The following TMEM39B variants were observed in gnomAD, a reference collection of about 807,000 sequenced individuals.
TMEM39B encodes transmembrane protein 39B.
In TMEM39B, 23 loss-of-function variants were observed where a neutral mutation model predicts 52.2. The observed-to-expected ratio is 0.44, with a 90% CI of 0.32 to 0.62. The LOEUF is 0.62. Ranked by LOEUF, TMEM39B falls within the 20% of genes least tolerant of loss-of-function variation. The probability of loss-of-function intolerance (pLI) is 0.06; values close to 1 mark genes in which losing one functional copy is unlikely to be tolerated. For synonymous variants in TMEM39B, 285 were observed against 264.0 expected (o/e 1.08, Z -0.77); for missense variants, 547 against 642.0 (o/e 0.85, Z 1.60).
At chr1:32,073,310 G>C (rs1449128648) in intron 1 of TMEM39B, 4 of 489,900 alleles carry the variant, frequency 8.2e-6, no homozygotes, top group East Asian at 3.6e-5. Context: ...CCAGCTCGTC[G>C]GGGCTAGAAA....
intron 5 of TMEM39B, among the ~76,000 whole-genome samples, chr1:32,081,077 G>A (rs943598070): frequency 2.6e-5 from 4 of 151,426 alleles, no homozygotes; most frequent in African/African-American, 4.9e-5. Flanking sequence ...CTCCAATCCC[G>A]CCTCCAGATT....
In TMEM39B at chr1:32,081,615, G is replaced by T. The variant is rs544784525; in HGVS notation, c.590+4297G>T. ...ATACAAAAATTAGCCAGGTGTGGTG[G>T]TGCACGCCTGTAGTCCCAGCTACTT... is the stretch of plus-strand genomic sequence containing the variant. On this transcript the variant is annotated intron_variant, in intron 5 of 8. Transcript: ENST00000336294. 3.9e-5 allele frequency among the ~76,000 whole-genome samples: 6 copies of T among 152,038 alleles called. No individual in the cohort carries two copies. The South Asian group carries it at 1.3e-3, about 32-fold the overall frequency.
intron 7 of TMEM39B, among the ~76,000 whole-genome samples, chr1:32,095,190 G>A (rs961649213): frequency 2.0e-5 from 3 of 152,238 alleles, no homozygotes; most frequent in African/African-American, 7.2e-5. Context: ...GGAGGGGACT[G>A]ATGGTAATTC....
intron 8 of TMEM39B, among the ~76,000 whole-genome samples, chr1:32,101,763 G>A (rs1259317490): frequency 2.0e-5 from 3 of 152,150 alleles, no homozygotes; most frequent in Non-Finnish European, 4.4e-5. Context: ...CCTGTAAGCA[G>A]CTCTTGAGAT....
chr1:32,080,238 AATAATTGCAT>A (rs1032381054), intron 5 of TMEM39B, among the ~76,000 whole-genome samples: 4 of 152,188 alleles, frequency 2.6e-5, no homozygotes, highest in Non-Finnish European at 5.9e-5. Flanking sequence ...CATAACAATG[AATAATTGCAT>A]ATGTGTCCAG....
At chr1:32,101,787 C>A (rs1557445390) in intron 8 of TMEM39B, among the ~76,000 whole-genome samples, 2 of 152,148 alleles carry the variant, frequency 1.3e-5, no homozygotes, top group South Asian at 2.1e-4. Context: ...GGTACCTTGG[C>A]CCCTGTGGAA....
rs746220864 is a variant in TMEM39B at position 32,091,851 on chromosome 1, C to T, written c.767C>T (p.Pro256Leu). 4.3e-6 allele frequency: 7 copies of T among 1,614,084 alleles called. No homozygotes were observed. Among genetic ancestry groups the T allele is most frequent in the East Asian group, 2.2e-5 (1 of 44,898 alleles). Residue 256 changes from proline to leucine, a missense_variant, in exon 6 of 9, where the codon CCG becomes CTG. Pro to Leu is a moderately conservative substitution (Grantham distance 98). Transcript: ENST00000336294. ...WKQHTRQLYG[P>L]DAMPTHACCL... is the part of the protein sequence containing the mutation. ...CAGCACACAAGACAGCTGTATGGCC[C>T]GGACGCCATGCCCACCCATGCCTGC...
At chr1:32,083,547 C>A (rs1007214378) in intron 5 of TMEM39B, among the ~76,000 whole-genome samples, 4 of 150,616 alleles carry the variant, frequency 2.7e-5, no homozygotes, top group Non-Finnish European at 5.9e-5. Context: ...CTCAGCCTCC[C>A]GAGTAGCTGG....
chr1:32,089,428 A>G (rs1260380006), intron 5 of TMEM39B, among the ~76,000 whole-genome samples: 2 of 151,902 alleles, frequency 1.3e-5, no homozygotes, highest in Admixed American at 1.3e-4. Flanking sequence ...CACCACACCC[A>G]GCCCAGAGCT....
intron 7 of TMEM39B, 88 bp downstream of exon 7, chr1:32,095,059 G>A: frequency 1.4e-6 from 2 of 1,439,600 alleles, no homozygotes; most frequent in Non-Finnish European, 1.9e-6. Context: ...AACTTATTTA[G>A]TTAGCAAATA....
At chr1:32,090,296 G>A (rs1640549744) in intron 5 of TMEM39B, among the ~76,000 whole-genome samples, 1 of 152,088 alleles carries the variant, frequency 6.6e-6, no homozygotes, top group East Asian at 1.9e-4. Flanking sequence ...TGCTCTCAGG[G>A]TGCTGCTCAG....
chr1:32,079,474 G>A (rs1264311219), intron 5 of TMEM39B, among the ~76,000 whole-genome samples: 4 of 151,698 alleles, frequency 2.6e-5, no homozygotes, highest in South Asian at 2.1e-4. Context: ...ATGAGCCACC[G>A]CGCCTGGCCA....
intron 5 of TMEM39B, chr1:32,086,985 C>T (rs183961911): frequency 2.0e-5 from 3 of 152,290 alleles, no homozygotes; most frequent in East Asian, 1.9e-4. Flanking sequence ...GAGGATTGCT[C>T]CTGAATAGCT....
At chr1:32,092,824 C>T (rs1366185210) in intron 6 of TMEM39B, among the ~76,000 whole-genome samples, 2 of 152,154 alleles carry the variant, frequency 1.3e-5, no homozygotes, top group Non-Finnish European at 2.9e-5. Flanking sequence ...GAACTAGACT[C>T]ACTGAAGGGA....
At chr1:32,083,606 T>C (rs960321473) in intron 5 of TMEM39B, among the ~76,000 whole-genome samples, 6 of 150,692 alleles carry the variant, frequency 4.0e-5, no homozygotes, top group African/African-American at 1.5e-4. Context: ...GTATTTTTAG[T>C]AGAGACGGGG....
intron 5 of TMEM39B, among the ~76,000 whole-genome samples, chr1:32,089,457 T>C (rs1461199156): frequency 1.3e-5 from 2 of 151,910 alleles, no homozygotes; most frequent in African/African-American, 4.8e-5. Context: ...GATCCAGGCC[T>C]GTTTGACCCT....
chr1:32,076,574 A>G (rs1458542842), intron 3 of TMEM39B, 189 bp from the exon 4 acceptor site: 1 of 702,180 alleles, frequency 1.4e-6, no homozygotes, highest in Non-Finnish European at 2.6e-6. Context: ...GGACTGTCCC[A>G]CTTCCCTTCT....
chr1:32,102,514 A>G lies in TMEM39B; in HGVS notation c.1320A>G (p.Leu440=), dbSNP rs753581448. The G allele has an allele frequency of 2.5e-6, 4 of 1,614,070 alleles. No individual in the cohort carries two copies. The highest frequency in any genetic ancestry group is 3.4e-6 in the Non-Finnish European group (4 of 1,179,990). ...TCATTGTCTATCAGCTGTACTCCCT[A>G]ATGTCCTCTGAAAAGTGGCACCAGA... ...GAVIVYQLYS[L]MSSEKWHQTI... The change falls in exon 9 of 9, where the codon CTA becomes CTG. Residue 440 remains leucine (L), a synonymous_variant. Coordinates refer to ENST00000336294, the MANE Select transcript of TMEM39B (RefSeq NM_018056.4).
Position 32,100,479 on chromosome 1 carries a change from G to C in TMEM39B, c.1153G>C (p.Val385Leu). The C allele has an allele frequency of 6.2e-7, 1 of 1,611,440 alleles. No homozygotes were observed. The highest frequency in any genetic ancestry group is 8.5e-7 in the Non-Finnish European group (1 of 1,178,588). The change falls in exon 8 of 9, where the codon GTG becomes CTG. Residue 385 changes from valine (V) to leucine (L), a missense_variant. Val to Leu is a conservative substitution (Grantham distance 32). Coordinates refer to ENST00000336294, the MANE Select transcript of TMEM39B (RefSeq NM_018056.4). ...ATGCATGTGGCCGCAGGGCGTGCTG[G>C]TGAAGCACAGCAAGAACGTCTACAA... ...EECMWPQGVL[V>L]KHSKNVYKAV...
Sources: gnomAD v4.1 joint callset for allele counts (sites outside exome capture counted in the v4.1 genomes callset) on GRCh38, gnomAD v4.1.1 for gene constraint, MANE v1.5 for transcripts, NCBI Gene and HGNC (gene_info 2026-07-23, HGNC 2026-07-21) for gene names.